ITIH5: variants seen among roughly 807,000 people sequenced by gnomAD.
ITIH5 encodes the protein inter-alpha-trypsin inhibitor heavy chain 5, also known as inter-alpha-trypsin inhibitor heavy chain H5.
Under a neutral mutation model 77.5 loss-of-function variants are expected in ITIH5, and 65 were observed. The ratio of observed to expected loss-of-function variants is 0.84; its 90% CI spans 0.69 to 1.03. The LOEUF is 1.03. Ranked by LOEUF, ITIH5 falls within the 50% of genes least tolerant of loss-of-function variation. ITIH5 has a pLI of 0.00. For synonymous variants in ITIH5, 525 were observed against 494.3 expected, an observed-to-expected ratio of 1.06 and a Z score of -0.82; for missense variants, 1,208 against 1,213.1, an observed-to-expected ratio of 1.00 and a Z score of 0.06.
intron 2 of ITIH5, among the ~76,000 whole-genome samples, chr10:7,642,845 G>A (rs1321323017): frequency 6.6e-6 from 1 of 152,154 alleles, no homozygotes; most frequent in African/African-American, 2.4e-5. Context: ...ACATTTGTAA[G>A]GAAAGCCACA....
intron 11 of ITIH5, among the ~76,000 whole-genome samples, chr10:7,570,966 C>T (rs1420560781): frequency 6.6e-6 from 1 of 152,188 alleles, no homozygotes; most frequent in African/African-American, 2.4e-5. Flanking sequence ...TGCACATGGA[C>T]ATGTCTGCAT....
chr10:7,651,446 G>A (rs529911886), intron 2 of ITIH5, among the ~76,000 whole-genome samples: 5 of 152,116 alleles, frequency 3.3e-5, no homozygotes, highest in East Asian at 3.9e-4. Context: ...AGCCGAGCGC[G>A]ATGATGCATG....
Position 7,616,000 on chromosome 10 carries a change from C to T in ITIH5, c.921G>A (p.Val307=), listed in dbSNP as rs759776863. ...CACTCACCTGCCGGAGTTTGGTTCCCACCATAGAAGCACTGCTGTCAAGCA... is the reference window on the plus strand; with the variant it reads ...CACTCACCTGCCGGAGTTTGGTTCCTACCATAGAAGCACTGCTGTCAAGCA... ...VFVLDSSASM[V]GTKLRQTKDA... is the part of the protein sequence containing the mutation. Residue 307 remains valine, a synonymous_variant, in exon 7 of 14, where the codon GTG becomes GTA. Coordinates refer to ENST00000397146, the MANE Select transcript of ITIH5 (RefSeq NM_030569.7). The T allele has an allele frequency of 6.2e-7, 1 of 1,608,792 alleles. No individual in the cohort carries two copies. The highest frequency in any genetic ancestry group is 1.7e-5 in the Admixed American group (1 of 59,998).
At chr10:7,618,998 T>TG (rs1322628324) in intron 5 of ITIH5, 1 of 152,234 alleles carries the variant, frequency 6.6e-6, no homozygotes, top group Non-Finnish European at 1.5e-5. Flanking sequence ...GAAAAGGTTA[T>TG]TTTTGTAGGG....
intron 2 of ITIH5, 101 bp from the exon 3 acceptor site, chr10:7,642,191 T>C: frequency 1.1e-6 from 1 of 884,626 alleles, no homozygotes; most frequent in Non-Finnish European, 1.7e-6. Context: ...TAATCTTCAG[T>C]TTGGGAGCCT....
chr10:7,661,875 A>T (rs1038585254), intron 1 of ITIH5, among the ~76,000 whole-genome samples: 1 of 151,754 alleles, frequency 6.6e-6, no homozygotes, highest in Non-Finnish European at 1.5e-5. Flanking sequence ...TAATTTTTGT[A>T]CTTTTAGTAG....
intron 5 of ITIH5, among the ~76,000 whole-genome samples, chr10:7,628,722 TGTGTCCATGTTGCAGC>T (rs1833634818): frequency 4.9e-5 from 6 of 122,410 alleles, no homozygotes; most frequent in Admixed American, 1.9e-4. Flanking sequence ...TGTTGTAGCG[TGTGTCCATGTTGCAGC>T]GTGTGTCCAT....
intron 5 of ITIH5, among the ~76,000 whole-genome samples, chr10:7,624,898 T>C (rs922902984): frequency 8.5e-5 from 3 of 35,114 alleles, no homozygotes; most frequent in Admixed American, 3.8e-4. Context: ...TGTATATATA[T>C]ACATACATAT....
chr10:7,644,444 A>G (rs181105791), intron 2 of ITIH5, among the ~76,000 whole-genome samples: 6 of 145,276 alleles, frequency 4.1e-5, no homozygotes, highest in African/African-American at 1.5e-4. Flanking sequence ...TATATATCAC[A>G]TATAGATCAT....
At chr10:7,633,741 G>A (rs1297067262) in intron 5 of ITIH5, among the ~76,000 whole-genome samples, 1 of 152,026 alleles carries the variant, frequency 6.6e-6, no homozygotes, top group Admixed American at 6.6e-5. Flanking sequence ...GCTTAGTCTA[G>A]TATCTAGCAC....
Position 7,586,838 on chromosome 10 carries a change from A to C in ITIH5, c.940-769T>G, listed in dbSNP as rs534828970. 6.1e-3 allele frequency among the ~76,000 whole-genome samples: 926 copies of C among 150,606 alleles called. 34 individuals are homozygous for C. The highest frequency in any genetic ancestry group is 0.053 in the Admixed American group (808 of 15,148). On this transcript the variant is annotated intron_variant, in intron 7 of 13. Coordinates refer to ENST00000397146, the MANE Select transcript of ITIH5 (RefSeq NM_030569.7). ...AAAGAACTGGAAGGGCATTCTTCTT[A>C]TTTTTTTTTTCATACAAACTCTCGC...
intron 10 of ITIH5, among the ~76,000 whole-genome samples, chr10:7,574,089 C>T (rs939801683): frequency 7.2e-5 from 11 of 152,080 alleles, no homozygotes; most frequent in Admixed American, 1.3e-4. Flanking sequence ...ATGTGTGCGG[C>T]GGAATTTACA....
chr10:7,647,376 C>T (rs1348609672), intron 2 of ITIH5, among the ~76,000 whole-genome samples: 6 of 152,146 alleles, frequency 3.9e-5, no homozygotes, highest in Non-Finnish European at 1.5e-5. Flanking sequence ...CCAAGGAGCC[C>T]GGCTCATGCA....
chr10:7,629,135 A>G (rs368998178), intron 5 of ITIH5, among the ~76,000 whole-genome samples: 97 of 88,574 alleles, frequency 1.1e-3, no homozygotes, highest in South Asian at 2.1e-3. Flanking sequence ...GTGTTGTAGC[A>G]TGTGTCCGTG....
chr10:7,616,567 C>T (rs974862527), intron 6 of ITIH5, among the ~76,000 whole-genome samples: 2 of 152,124 alleles, frequency 1.3e-5, no homozygotes, highest in African/African-American at 4.8e-5. Flanking sequence ...GTGGCTCAGG[C>T]CGGTAATCCC....
chr10:7,658,704 T>C (rs1480139081), intron 1 of ITIH5, among the ~76,000 whole-genome samples: 1 of 152,340 alleles, frequency 6.6e-6, no homozygotes, highest in Non-Finnish European at 1.5e-5. Context: ...GTAAAAGTTT[T>C]CTGATTGGCA....
At chr10:7,644,553 A>ATATATG (rs1442376046) in intron 2 of ITIH5, among the ~76,000 whole-genome samples, 1 of 135,692 alleles carries the variant, frequency 7.4e-6, no homozygotes, top group African/African-American at 3.0e-5. Flanking sequence ...TATATGATAT[A>ATATATG]TCACATATAT....
intron 7 of ITIH5, among the ~76,000 whole-genome samples, chr10:7,595,309 C>T (rs531922538): frequency 6.0e-5 from 9 of 151,086 alleles, no homozygotes; most frequent in East Asian, 5.9e-4. Context: ...TTGAAAATCG[C>T]GCCCAGATAG....
chr10:7,594,019 T>A (rs570965557), intron 7 of ITIH5, among the ~76,000 whole-genome samples: 2 of 152,206 alleles, frequency 1.3e-5, no homozygotes, highest in African/African-American at 4.8e-5. Context: ...GGAGCTGATC[T>A]TTCTGCACAT....
Sources: gnomAD v4.1 joint callset for allele counts (sites outside exome capture counted in the v4.1 genomes callset) on GRCh38, gnomAD v4.1.1 for gene constraint, MANE v1.5 for transcripts, NCBI Gene and HGNC (gene_info 2026-07-23, HGNC 2026-07-21) for gene names.